PTGR2: variants seen among roughly 807,000 people sequenced by gnomAD.
PTGR2 encodes prostaglandin reductase 2, also known as 15-oxoprostaglandin 13-reductase.
Under a neutral mutation model 43.4 loss-of-function variants are expected in PTGR2, and 32 were observed. The observed-to-expected ratio is 0.74, with a 90% CI of 0.56 to 0.99. The LOEUF (loss-of-function observed/expected upper bound fraction) is 0.99. PTGR2 is among the 50% of genes least tolerant of loss of function. The probability of loss-of-function intolerance (pLI) is 0.00; values close to 1 mark genes in which losing one functional copy is unlikely to be tolerated. For missense variants in PTGR2, 373 were observed against 420.0 expected (o/e 0.89, Z 0.98); for synonymous variants, 106 against 139.2 (o/e 0.76, Z 1.68).
Position 73,858,889 on chromosome 14 carries a change from T to A in PTGR2, c.27T>A (p.Asn9Lys). 1 of 1,611,694 alleles carries A rather than the reference T, an allele frequency of 6.2e-7. No individual in the cohort carries two copies. Among genetic ancestry groups the A allele is most frequent in the South Asian group, 1.1e-5 (1 of 90,870 alleles). Reference sequence around the variant, plus strand: ...TGATTGTTCAAAGAGTGGTATTGAATTCTCGACCTGGTATGTATTTGCGAT... The same window carrying A: ...TGATTGTTCAAAGAGTGGTATTGAAATCTCGACCTGGTATGTATTTGCGAT... MIVQRVVL[N>K]SRPGKNGNPV... The change falls in exon 2 of 10, where the codon AAT (asparagine) becomes AAA (lysine). Residue 9 changes from asparagine to lysine, a missense_variant. Transcript: ENST00000555661.
In PTGR2 at chr14:73,852,780, G is replaced by A. The variant is rs1465922544; in HGVS notation, c.-48+837G>A. Reference sequence around the variant, plus strand: ...AGGGGAAGGGGGAGACCAGAAAACCGGAAGGGGAGGAGAAGACTGGCAGAG... The same window carrying A: ...AGGGGAAGGGGGAGACCAGAAAACCAGAAGGGGAGGAGAAGACTGGCAGAG... On this transcript the variant is annotated intron_variant, in intron 1 of 9. Coordinates refer to ENST00000555661, the MANE Select transcript of PTGR2 (RefSeq NM_001146154.2). Among the ~76,000 whole-genome samples the A allele has an allele frequency of 2.6e-5, 4 of 152,042 alleles. No homozygotes were observed. The East Asian group carries it at 5.8e-4, about 22-fold the overall frequency.
intron 4 of PTGR2, among the ~76,000 whole-genome samples, chr14:73,875,591 G>A (rs933402295): frequency 2.6e-5 from 4 of 151,810 alleles, no homozygotes; most frequent in East Asian, 1.9e-4. Flanking sequence ...TGATCCACCC[G>A]CCTTGGCCTC....
intron 3 of PTGR2, chr14:73,861,848 G>A (rs1275730712): frequency 6.6e-6 from 1 of 151,342 alleles, no homozygotes; most frequent in Non-Finnish European, 1.5e-5. Context: ...TGAGTTTCCT[G>A]TTGCTGTTTT....
At chr14:73,878,697 T>TGCCG in intron 5 of PTGR2, 1 of 400,020 alleles carries the variant, frequency 2.5e-6, no homozygotes, top group Non-Finnish European at 4.8e-6. Context: ...ACTGGTACTC[T>TGCCG]ACGGTGTACT....
At chr14:73,860,817 C>G (rs1294402266) in intron 3 of PTGR2, among the ~76,000 whole-genome samples, 160 bp downstream of exon 3, 1 of 152,016 alleles carries the variant, frequency 6.6e-6, no homozygotes, top group African/African-American at 2.4e-5. Context: ...TTTTTATTCA[C>G]TAGTGTAATT....
intron 3 of PTGR2, among the ~76,000 whole-genome samples, chr14:73,869,823 T>G (rs1595360910): frequency 6.6e-6 from 1 of 151,924 alleles, no homozygotes. Flanking sequence ...GTCAGGAGTT[T>G]GAGACCAGCC....
chr14:73,879,985 T>A, intron 6 of PTGR2, 70 bp from the exon 7 acceptor site: 1 of 1,482,612 alleles, frequency 6.7e-7, no homozygotes, highest in South Asian at 1.1e-5. Context: ...CAAGGAGGCT[T>A]CCATTATGGC....
intron 4 of PTGR2, chr14:73,874,442 C>A: frequency 1.8e-6 from 1 of 556,528 alleles, no homozygotes; most frequent in Non-Finnish European, 3.3e-6. Flanking sequence ...AATAAACTGA[C>A]AATAAACAGA....
At chr14:73,880,383 G>A in intron 7 of PTGR2, 1 of 487,594 alleles carries the variant, frequency 2.1e-6, no homozygotes, top group Non-Finnish European at 3.7e-6. Flanking sequence ...AACTAGCCTG[G>A]CCAACATGGT....
intron 7 of PTGR2, among the ~76,000 whole-genome samples, chr14:73,880,987 C>T (rs760334949): frequency 8.6e-5 from 13 of 151,918 alleles, no homozygotes; most frequent in Non-Finnish European, 1.8e-4. Context: ...TTAGTAGAGA[C>T]GGGGGTTTCA....
At chr14:73,862,420 G>T (rs1441255424) in intron 3 of PTGR2, among the ~76,000 whole-genome samples, 1 of 152,100 alleles carries the variant, frequency 6.6e-6, no homozygotes, top group Non-Finnish European at 1.5e-5. Context: ...TGTTAGCCAG[G>T]ATGGTCTTGA....
chr14:73,869,350 AC>A (rs1485917338), intron 3 of PTGR2, among the ~76,000 whole-genome samples: 1 of 151,942 alleles, frequency 6.6e-6, no homozygotes, highest in East Asian at 1.9e-4. Flanking sequence ...CCTGGGCAAC[AC>A]AGAAAGATGC....
chr14:73,867,278 G>T (rs2054624995), intron 3 of PTGR2, among the ~76,000 whole-genome samples: 1 of 151,758 alleles, frequency 6.6e-6, no homozygotes, highest in Non-Finnish European at 1.5e-5. Context: ...CACACTGCTG[G>T]CTTTTCTGAG....
intron 1 of PTGR2, chr14:73,852,233 A>C (rs1264602460): frequency 6.6e-6 from 1 of 151,946 alleles, no homozygotes; most frequent in East Asian, 1.9e-4. Flanking sequence ...AGCACGTACC[A>C]TGCGCCGGGC....
chr14:73,852,992 T>A (rs2054265708), intron 1 of PTGR2, among the ~76,000 whole-genome samples: 2 of 151,724 alleles, frequency 1.3e-5, no homozygotes, highest in African/African-American at 4.8e-5. Context: ...CGCTTAATTT[T>A]TGTATTTTTA....
At chr14:73,856,395 G>A (rs1047205105) in intron 1 of PTGR2, among the ~76,000 whole-genome samples, 2 of 147,970 alleles carry the variant, frequency 1.4e-5, no homozygotes, top group African/African-American at 5.0e-5. Context: ...ACAGGCATGG[G>A]CCACCTGCCC....
At chr14:73,876,918 G>T (rs781052586) in intron 4 of PTGR2, 80 bp from the exon 5 acceptor site, 7 of 1,057,840 alleles carry the variant, frequency 6.6e-6, no homozygotes, top group Non-Finnish European at 9.8e-6. Flanking sequence ...ACGCAATTCA[G>T]TCCATAACAC....
chr14:73,875,397 G>A (rs1435812547), intron 4 of PTGR2, among the ~76,000 whole-genome samples: 2 of 151,986 alleles, frequency 1.3e-5, no homozygotes, highest in Non-Finnish European at 2.9e-5. Flanking sequence ...CCAGGCTGGA[G>A]CGCAGTGGCG....
intron 9 of PTGR2, among the ~76,000 whole-genome samples, chr14:73,882,794 C>T (rs2055022647): frequency 1.6e-5 from 2 of 123,366 alleles, no homozygotes; most frequent in East Asian, 2.3e-4. Context: ...GCCACCACGC[C>T]TGGCCCTTTT....
Sources: allele counts gnomAD v4.1 joint callset (sites outside exome capture counted in the v4.1 genomes callset), GRCh38; gene constraint gnomAD v4.1.1; transcripts MANE v1.5; gene names NCBI Gene and HGNC (gene_info 2026-07-23, HGNC 2026-07-21).